Variants in COA1 observed in about 807,000 individuals in gnomAD.
COA1 encodes cytochrome c oxidase assembly factor 1, also known as cytochrome c oxidase assembly factor 1 homolog.
Under a neutral mutation model 16.0 loss-of-function variants are expected in COA1, and 13 were observed. The observed-to-expected ratio is 0.81, with a 90% confidence interval of 0.53 to 1.29. COA1 has a LOEUF of 1.29. Ranked by LOEUF, COA1 falls within the 50% of genes most tolerant of loss-of-function variation. The pLI, the probability that COA1 is intolerant of heterozygous loss-of-function variation, is 0.00. For missense variants in COA1, 179 were observed against 177.0 expected, an observed-to-expected ratio of 1.01 and a Z score of -0.06; for synonymous variants, 65 against 65.7, an observed-to-expected ratio of 0.99 and a Z score of 0.05.
chr7:43,723,454 AAGCAGCAATAGTCAC>A (rs1204379907), intron 1 of COA1, among the ~76,000 whole-genome samples: 2 of 152,234 alleles, frequency 1.3e-5, no homozygotes, highest in Non-Finnish European at 2.9e-5. Context: ...TGCCTGTCAG[AAGCAGCAATAGTCAC>A]AGCACACCAG....
At chr7:43,647,410 G>A (rs989890140) in intron 3 of COA1, 125 bp downstream of exon 3, 1 of 738,486 alleles carries the variant, frequency 1.4e-6, no homozygotes, top group Admixed American at 2.1e-5. Flanking sequence ...TGGTGGACTA[G>A]CCTTTAAAAT....
At chr7:43,610,461 T>TGA (rs1309563677) in intron 6 of COA1, among the ~76,000 whole-genome samples, 1 of 146,592 alleles carries the variant, frequency 6.8e-6, no homozygotes, top group Non-Finnish European at 1.5e-5. Flanking sequence ...AGGTCAGGAG[T>TGA]TCAAGACCAG....
intron 1 of COA1, chr7:43,658,833 C>T (rs535973884): frequency 5.9e-5 from 9 of 152,422 alleles, no homozygotes; most frequent in African/African-American, 2.2e-4. Flanking sequence ...CCAAACACGC[C>T]AAGGCCCTGA....
At chr7:43,684,250 G>T (rs1293703943) in intron 1 of COA1, among the ~76,000 whole-genome samples, 1 of 152,034 alleles carries the variant, frequency 6.6e-6, no homozygotes, top group Non-Finnish European at 1.5e-5. Flanking sequence ...CTCACAACAG[G>T]GTTCGCACTC....
At chr7:43,618,141 G>C (rs557611250) in intron 6 of COA1, among the ~76,000 whole-genome samples, 1 of 152,190 alleles carries the variant, frequency 6.6e-6, no homozygotes, top group Admixed American at 6.5e-5. Flanking sequence ...GATGGAGACA[G>C]AAACAAACAG....
At position 43,682,274 on chromosome 7, in the gene COA1, T is replaced by C. The variant is rs768266203; in HGVS notation, c.-38-33622A>G. ...CTACTCCAATGTAGTAAGTAGTTAGTAGAAACAACTTTAAAACTGAGAAAT... is the reference window on the plus strand; with the variant it reads ...CTACTCCAATGTAGTAAGTAGTTAGCAGAAACAACTTTAAAACTGAGAAAT... On this transcript the variant is annotated intron_variant, in intron 1 of 5. Transcript: ENST00000223336. Among the ~76,000 whole-genome samples the C allele has an allele frequency of 2.0e-4, 31 of 152,312 alleles. No homozygotes were observed. The Middle Eastern group carries it at 0.01, about 50-fold the overall frequency.
At chr7:43,629,379 A>C (rs527618340) in intron 6 of COA1, among the ~76,000 whole-genome samples, 2 of 152,240 alleles carry the variant, frequency 1.3e-5, no homozygotes, top group Non-Finnish European at 2.9e-5. Flanking sequence ...CACTGAATCT[A>C]TAAGTCAAGT....
chr7:43,690,167 G>A (rs10270576), intron 1 of COA1, among the ~76,000 whole-genome samples: 22,352 of 152,124 alleles, frequency 0.15, 2,192 homozygotes, highest in Non-Finnish European at 0.21. Context: ...ATGTAAATTA[G>A]TACAACCACT....
At position 43,675,308 on chromosome 7, in the gene COA1, A is replaced by G. The variant is rs543388688; in HGVS notation, c.-38-26656T>C. Reference sequence around the variant, plus strand: ...GACATGGATGAAACTGGAAACCATCATTCTCAGCAAACTATCCCAAGAACA... The same window carrying G: ...GACATGGATGAAACTGGAAACCATCGTTCTCAGCAAACTATCCCAAGAACA... On this transcript the variant is annotated intron_variant, in intron 1 of 5. Transcript: ENST00000223336. Among the ~76,000 whole-genome samples the G allele has an allele frequency of 1.2e-4, 18 of 152,312 alleles. No individual in the cohort carries two copies. The South Asian group carries it at 2.5e-3, about 21-fold the overall frequency.
At chr7:43,615,125 T>G (rs2083225090) in intron 6 of COA1, among the ~76,000 whole-genome samples, 1 of 152,216 alleles carries the variant, frequency 6.6e-6, no homozygotes, top group African/African-American at 2.4e-5. Context: ...CCTATCAAAT[T>G]TGCCTGAATA....
At chr7:43,711,893 T>G (rs898276860) in intron 1 of COA1, among the ~76,000 whole-genome samples, 7 of 152,224 alleles carry the variant, frequency 4.6e-5, no homozygotes, top group African/African-American at 1.7e-4. Flanking sequence ...GGCACATGAC[T>G]GAACATATAA....
intron 1 of COA1, among the ~76,000 whole-genome samples, chr7:43,690,444 T>C (rs912596287): frequency 2.6e-5 from 4 of 151,824 alleles, no homozygotes; most frequent in African/African-American, 7.3e-5. Context: ...CACACACACA[T>C]ATATACACAC....
Position 43,647,518 on chromosome 7 carries a change from G to A in COA1, c.115+17C>T, listed in dbSNP as rs775192680. 1 of 1,576,616 alleles carries A rather than the reference G, an allele frequency of 6.3e-7. No individual in the cohort carries two copies. Among genetic ancestry groups the A allele is most frequent in the South Asian group, 1.1e-5 (1 of 90,368 alleles). On this transcript the variant is annotated intron_variant, in intron 3 of 5. Transcript: ENST00000223336. ...CTAGGAGGAGGTCAGGCCGCAGGCG[G>A]CTAGCAGGATACTTACTTTGAATGA...
At chr7:43,610,305 C>T (rs1008073030) in intron 6 of COA1, among the ~76,000 whole-genome samples, 25 of 144,828 alleles carry the variant, frequency 1.7e-4, no homozygotes, top group African/African-American at 6.2e-4. Flanking sequence ...CGAGATCGTG[C>T]CACTGCACTC....
At chr7:43,667,542 G>A (rs1385093019) in intron 1 of COA1, among the ~76,000 whole-genome samples, 1 of 152,078 alleles carries the variant, frequency 6.6e-6, no homozygotes, top group African/African-American at 2.4e-5. Context: ...GTTTTTAACT[G>A]TATCCTGGAA....
chr7:43,690,440 CACAT>C (rs2094223908), intron 1 of COA1, among the ~76,000 whole-genome samples: 1 of 151,904 alleles, frequency 6.6e-6, no homozygotes, highest in African/African-American at 2.4e-5. Flanking sequence ...TACACACACA[CACAT>C]ATATACACAC....
chr7:43,644,401 GAT>G (rs1325950629), intron 4 of COA1, among the ~76,000 whole-genome samples: 1 of 152,102 alleles, frequency 6.6e-6, no homozygotes, highest in African/African-American at 2.4e-5. Context: ...AGTACAAAAA[GAT>G]AAGTTATAGC....
At chr7:43,710,247 G>A (rs1283035097) in intron 1 of COA1, among the ~76,000 whole-genome samples, 1 of 149,958 alleles carries the variant, frequency 6.7e-6, no homozygotes, top group Non-Finnish European at 1.5e-5. Context: ...TACTTGGGAG[G>A]CTGAGGCAGG....
chr7:43,609,013 C>G (rs900714516), exon 7 of COA1: 1 of 152,242 alleles, frequency 6.6e-6, no homozygotes, highest in African/African-American at 2.4e-5. Flanking sequence ...GACAGTATAT[C>G]AGTTATGTTC....
Sources: gnomAD v4.1 joint callset for allele counts (sites outside exome capture counted in the v4.1 genomes callset) on GRCh38, gnomAD v4.1.1 for gene constraint, MANE v1.5 for transcripts, NCBI Gene and HGNC (gene_info 2026-07-23, HGNC 2026-07-21) for gene names.